Variants in RETREG1 observed in about 807,000 individuals in gnomAD.
RETREG1 encodes family with sequence similarity 134 member B.
RETREG1 carries 44 observed loss-of-function variants against 54.8 expected under a neutral mutation model. The observed-to-expected ratio is 0.80, with a 90% CI of 0.63 to 1.03. The LOEUF (loss-of-function observed/expected upper bound fraction) is 1.03. Ranked by LOEUF, RETREG1 falls within the 50% of genes least tolerant of loss-of-function variation. The probability of loss-of-function intolerance (pLI) is 0.00; values close to 1 mark genes in which losing one functional copy is unlikely to be tolerated. For synonymous variants in RETREG1, 217 were observed against 238.5 expected, an observed-to-expected ratio of 0.91 and a Z score of 0.83; for missense variants, 554 against 605.1, an observed-to-expected ratio of 0.92 and a Z score of 0.89.
chr5:16,520,091 A>G (rs1218571773), intron 3 of RETREG1, among the ~76,000 whole-genome samples: 3 of 152,156 alleles, frequency 2.0e-5, no homozygotes, highest in Admixed American at 1.3e-4. Context: ...GCAGCCATCC[A>G]AGGGCTGCTG....
chr5:16,484,334 T>TA (rs1738934639), intron 3 of RETREG1, among the ~76,000 whole-genome samples: 1 of 152,150 alleles, frequency 6.6e-6, no homozygotes, highest in Non-Finnish European at 1.5e-5. Context: ...TCCTAACTCA[T>TA]AAAAACATAC....
chr5:16,502,277 T>C (rs570285053), intron 3 of RETREG1, among the ~76,000 whole-genome samples: 1 of 152,282 alleles, frequency 6.6e-6, no homozygotes, highest in East Asian at 1.9e-4. Context: ...ATTTTTTTTC[T>C]CTTTCAGTTA....
rs1021853798 is a variant in RETREG1 at position 16,555,314 on chromosome 5, G to A, written c.458+10449C>T. On this transcript the variant is annotated intron_variant, in intron 3 of 8. Coordinates refer to ENST00000306320, the MANE Select transcript of RETREG1 (RefSeq NM_001034850.3). ...CTACAGGCGTGAACCAACACACTCGGCTACATTTCTGTATTTTAGTAGAGA... is the reference window on the plus strand; with the variant it reads ...CTACAGGCGTGAACCAACACACTCGACTACATTTCTGTATTTTAGTAGAGA... Among the ~76,000 whole-genome samples, 11 of 152,204 alleles carry A rather than the reference G, an allele frequency of 7.2e-5. No homozygotes were observed. In the South Asian group the frequency reaches 2.3e-3, roughly 32 times the overall value.
At position 16,616,807 on chromosome 5, in the gene RETREG1, C is replaced by T. The variant is rs1026613095; in HGVS notation, c.165G>A (p.Leu55=). ...CCCGGCCCGCGGCCTCCTCCACCTG[C>T]AACCCCGCGCCCTCCGCCGCCCCAG... ...QEAGAAEGAG[L]QVEEAAGRAA... is the part of the protein sequence containing the mutation. The change falls in exon 1 of 9, where the codon TTG becomes TTA. Residue 55 remains leucine, a synonymous_variant. Coordinates refer to ENST00000306320, the MANE Select transcript of RETREG1 (RefSeq NM_001034850.3). 3 of 1,520,530 alleles carry T rather than the reference C, an allele frequency of 2.0e-6. No homozygotes were observed. Among genetic ancestry groups the T allele is most frequent in the Non-Finnish European group, 2.6e-6 (3 of 1,141,190 alleles). The allele number at this position is 1,520,530 out of a possible 1,614,324, so 94.2% of individuals were successfully genotyped here.
chr5:16,550,288 G>T (rs970257002), intron 3 of RETREG1, among the ~76,000 whole-genome samples: 8 of 141,604 alleles, frequency 5.6e-5, no homozygotes, highest in African/African-American at 2.0e-4. Context: ...AAAAAAAAAA[G>T]CGTTAAAGGA....
chr5:16,542,688 G>T (rs1741284070), intron 3 of RETREG1, among the ~76,000 whole-genome samples: 1 of 152,196 alleles, frequency 6.6e-6, no homozygotes, highest in African/African-American at 2.4e-5. Flanking sequence ...CAAAGGGGAT[G>T]TCTCAGCAAT....
intron 3 of RETREG1, among the ~76,000 whole-genome samples, chr5:16,517,160 T>C (rs1053255578): frequency 1.3e-5 from 2 of 151,308 alleles, no homozygotes; most frequent in Admixed American, 6.6e-5. Flanking sequence ...CTAATAGGAG[T>C]CTTGGAATGA....
At chr5:16,508,865 T>C in intron 3 of RETREG1, 18 of 1,373,350 alleles carry the variant, frequency 1.3e-5, no homozygotes, top group Non-Finnish European at 1.7e-5. Flanking sequence ...TGCCCCCTTC[T>C]AAAAATAAAT....
rs751185980 is a variant in RETREG1 at position 16,478,883 on chromosome 5, C to G, written c.775G>C (p.Glu259Gln). The change falls in exon 6 of 9, where the codon GAA becomes CAA. Residue 259 changes from glutamate (E) to glutamine (Q), a missense_variant. Glu to Gln is a conservative substitution (Grantham distance 29, BLOSUM62 2). Coordinates refer to ENST00000306320, the MANE Select transcript of RETREG1 (RefSeq NM_001034850.3). The part of the protein sequence containing the change: ...VLLKLDFGIG[E>Q]YINQKKRERS... ...TCACGTTTCTTCTGATTAATATATT[C>G]TCCAATTCCAAAATCCAGTTTCAGC... 1.1e-5 allele frequency: 18 copies of G among 1,612,216 alleles called. No individual in the cohort carries two copies. The highest frequency in any genetic ancestry group is 1.4e-5 in the Non-Finnish European group (17 of 1,178,904).
intron 3 of RETREG1, among the ~76,000 whole-genome samples, chr5:16,549,513 CT>C (rs1469714711): frequency 3.3e-5 from 5 of 152,132 alleles, no homozygotes; most frequent in Non-Finnish European, 5.9e-5. Context: ...CTTTGACCCC[CT>C]AGATCAGTTT....
intron 1 of RETREG1, among the ~76,000 whole-genome samples, chr5:16,586,172 AAAG>A (rs1268061521): frequency 1.3e-5 from 2 of 152,222 alleles, no homozygotes; most frequent in African/African-American, 4.8e-5. Flanking sequence ...TACGGAGAAG[AAAG>A]AAGAAATAAA....
chr5:16,521,340 G>A (rs1263940180), intron 3 of RETREG1, among the ~76,000 whole-genome samples: 1 of 152,164 alleles, frequency 6.6e-6, no homozygotes, highest in Non-Finnish European at 1.5e-5. Context: ...TAGGGGGTTA[G>A]TATTGCCGCT....
At chr5:16,484,820 A>G (rs1738955295) in intron 3 of RETREG1, among the ~76,000 whole-genome samples, 1 of 152,084 alleles carries the variant, frequency 6.6e-6, no homozygotes, top group South Asian at 2.1e-4. Flanking sequence ...TCACTGAGCT[A>G]CCAGTTGTCC....
chr5:16,543,369 T>C (rs1312867105), intron 3 of RETREG1, among the ~76,000 whole-genome samples: 2 of 152,182 alleles, frequency 1.3e-5, no homozygotes, highest in East Asian at 3.9e-4. Flanking sequence ...TGTATATTTA[T>C]CTTTTTAAAA....
chr5:16,530,768 G>A (rs879817667), intron 3 of RETREG1, among the ~76,000 whole-genome samples: 1 of 152,026 alleles, frequency 6.6e-6, no homozygotes, highest in Non-Finnish European at 1.5e-5. Flanking sequence ...AGCTACTCGG[G>A]AGGCTGAGGT....
intron 3 of RETREG1, among the ~76,000 whole-genome samples, chr5:16,513,544 T>C (rs530159762): frequency 1.8e-4 from 28 of 152,362 alleles, no homozygotes; most frequent in African/African-American, 6.5e-4. Flanking sequence ...TGTCCATTTT[T>C]ACACCAGCCA....
intron 3 of RETREG1, among the ~76,000 whole-genome samples, chr5:16,504,167 T>C (rs561549946): frequency 6.6e-6 from 1 of 152,338 alleles, no homozygotes; most frequent in Non-Finnish European, 1.5e-5. Context: ...TGGTTTTCTG[T>C]TCCTGCATTA....
chr5:16,481,579 A>C lies in RETREG1; in HGVS notation c.586-486T>G, dbSNP rs549373102. On this transcript the variant is annotated intron_variant, in intron 4 of 8. Coordinates refer to ENST00000306320, the MANE Select transcript of RETREG1 (RefSeq NM_001034850.3). ...TATCTACACAAATCTAACGTAATTTACACAAATCTAATGTAATTTATAGCT... is the reference window on the plus strand; with the variant it reads ...TATCTACACAAATCTAACGTAATTTCCACAAATCTAATGTAATTTATAGCT... 1.5e-4 allele frequency among the ~76,000 whole-genome samples: 23 copies of C among 152,214 alleles called. No individual in the cohort carries two copies. The South Asian group carries it at 4.8e-3, about 32-fold the overall frequency.
chr5:16,543,430 C>A (rs778341765), intron 3 of RETREG1, among the ~76,000 whole-genome samples: 1 of 152,048 alleles, frequency 6.6e-6, no homozygotes, highest in Non-Finnish European at 1.5e-5. Flanking sequence ...AATCCCAGCA[C>A]TTTGGGAGGC....
Sources: allele counts gnomAD v4.1 joint callset (sites outside exome capture counted in the v4.1 genomes callset), GRCh38; gene constraint gnomAD v4.1.1; transcripts MANE v1.5; gene names NCBI Gene and HGNC (gene_info 2026-07-23, HGNC 2026-07-21).